CD6: variants seen among roughly 807,000 people sequenced by gnomAD.
The protein encoded by CD6 is T-cell differentiation antigen CD6.
Under a neutral mutation model 75.3 loss-of-function variants are expected in CD6, and 53 were observed. The observed-to-expected ratio is 0.70, with a 90% confidence interval of 0.56 to 0.88. The LOEUF (loss-of-function observed/expected upper bound fraction) is 0.88, where lower values mean the gene tolerates loss of function less well. Among genes scored for constraint, CD6 ranks in the 40% least tolerant of loss-of-function variants. The pLI is 0.00. For missense variants in CD6, 770 were observed against 897.1 expected, an observed-to-expected ratio of 0.86 and a Z score of 1.81; for synonymous variants, 359 against 381.5, an observed-to-expected ratio of 0.94 and a Z score of 0.69.
In CD6 at chr11:60,973,539, T is replaced by C. The variant is rs1406811276; in HGVS notation, c.49+1625T>C. ...ATCACTATTATAAGTGGAAAATCAA[T>C]ATCATTTGCCATAAGTGAAAGGTAA... is the stretch of plus-strand genomic sequence containing the variant. On this transcript the variant is annotated intron_variant, in intron 1 of 12. Coordinates refer to ENST00000313421, the MANE Select transcript of CD6 (RefSeq NM_006725.5). Among the ~76,000 whole-genome samples, 3 of 152,306 alleles carry C rather than the reference T, an allele frequency of 2.0e-5. No homozygotes were observed. The East Asian group carries it at 5.8e-4, about 29-fold the overall frequency.
At chr11:60,986,835 T>A (rs1236121554) in intron 1 of CD6, among the ~76,000 whole-genome samples, 1 of 152,092 alleles carries the variant, frequency 6.6e-6, no homozygotes, top group Non-Finnish European at 1.5e-5. Context: ...GCAACAGAAA[T>A]GTATTGTCTC....
chr11:61,008,578 G>GGCC lies in CD6; in HGVS notation c.517_519dup (p.Arg173dup). 6.2e-7 allele frequency: 1 copy of GGCC among 1,607,414 alleles called. No homozygotes were observed. The highest frequency in any genetic ancestry group is 8.5e-7 in the Non-Finnish European group (1 of 1,177,486). On this transcript the variant is annotated inframe_insertion, in exon 4 of 13. Transcript: ENST00000313421. ...GGTGGACGGTGGCGGCGCCTGCGCC[G>GGCC]GCCGCGTGGAGATGCTGGAGCATGG... is the stretch of plus-strand genomic sequence containing the variant.
chr11:61,001,879 G>T (rs1220537732), intron 1 of CD6, among the ~76,000 whole-genome samples: 1 of 152,204 alleles, frequency 6.6e-6, no homozygotes, highest in Non-Finnish European at 1.5e-5. Flanking sequence ...GTCCTTCTAA[G>T]CACGGGGCCC....
chr11:60,989,758 C>T (rs990488705), intron 1 of CD6, among the ~76,000 whole-genome samples: 9 of 152,192 alleles, frequency 5.9e-5, no homozygotes, highest in African/African-American at 2.2e-4. Flanking sequence ...CAAATCCCTG[C>T]TCTGCCTCTT....
In CD6 at chr11:61,019,372, T is replaced by A; in HGVS notation, c.*54T>A. On this transcript the variant is annotated 3_prime_UTR_variant, in exon 13 of 13. Transcript: ENST00000313421. ...GCTCTGACCCTCTGGCCTCCTGCTC[T>A]ACCTACTCCCTTTCCCCTTTCCCAC... The A allele has an allele frequency of 7.1e-7, 1 of 1,403,190 alleles. No homozygotes were observed. The highest frequency in any genetic ancestry group is 9.9e-7 in the Non-Finnish European group (1 of 1,009,944). 86.9% of individuals were successfully genotyped at this position (1,403,190 alleles called of 1,614,324 possible).
At position 60,974,812 on chromosome 11, in the gene CD6, T is replaced by C. The variant is rs146001869; in HGVS notation, c.49+2898T>C. ...GTCCCGTCTCTAATTCACCATTGAC[T>C]GTGCTTCTTTTCTTCTCAGCCATGT... On this transcript the variant is annotated intron_variant, in intron 1 of 12. Transcript: ENST00000313421. Among the ~76,000 whole-genome samples the C allele has an allele frequency of 7.9e-4, 121 of 152,336 alleles. 1 individual carries two copies. The highest frequency in any genetic ancestry group is 2.8e-3 in the African/African-American group (115 of 41,594).
At chr11:60,996,280 A>T (rs911925599) in intron 1 of CD6, among the ~76,000 whole-genome samples, 2 of 151,938 alleles carry the variant, frequency 1.3e-5, no homozygotes, top group African/African-American at 4.8e-5. Context: ...CCCTTTCCCT[A>T]TCAGAGCAGT....
rs1554993198 is a variant in CD6 at position 60,994,465 on chromosome 11, A to AAAAAAACAAAAAAC, written c.50-12103_50-12102insCAAAAAACAAAAAA. ...CTCCCCAACACCCCCGCCAAAAAAA[A>AAAAAAACAAAAAAC]AAAAAAGCTGAATTTCTTTGACCTG... On this transcript the variant is annotated intron_variant, in intron 1 of 12. Coordinates refer to ENST00000313421, the MANE Select transcript of CD6 (RefSeq NM_006725.5). Among the ~76,000 whole-genome samples, 46 of 138,394 alleles carry AAAAAAACAAAAAAC rather than the reference A, an allele frequency of 3.3e-4. 6 individuals are homozygous for AAAAAAACAAAAAAC. Among genetic ancestry groups the AAAAAAACAAAAAAC allele is most frequent in the Admixed American group, 6.1e-4 (8 of 13,022 alleles). 90.8% of individuals were successfully genotyped at this position (138,394 alleles called of 152,430 possible). A position where few individuals can be genotyped will look rare whatever the true frequency, so the allele number is the denominator to read the frequency against.
intron 1 of CD6, among the ~76,000 whole-genome samples, chr11:60,980,398 G>A (rs942628671): frequency 1.4e-4 from 21 of 152,120 alleles, no homozygotes; most frequent in African/African-American, 4.8e-4. Flanking sequence ...AGCTACTCGG[G>A]AGGCTGAGGC....
At chr11:60,976,109 T>C (rs1190383862) in intron 1 of CD6, among the ~76,000 whole-genome samples, 1 of 152,206 alleles carries the variant, frequency 6.6e-6, no homozygotes, top group Non-Finnish European at 1.5e-5. Context: ...GATTATAGTG[T>C]ACCCAGCACT....
rs534653810 is a variant in CD6 at position 61,004,041 on chromosome 11, C to T, written c.50-2533C>T. Among the ~76,000 whole-genome samples the T allele has an allele frequency of 1.9e-4, 29 of 152,336 alleles. No homozygotes were observed. The East Asian group carries it at 3.5e-3, about 18-fold the overall frequency. ...CACTGTGGGGGACACAGGGCTGACC[C>T]AGCCATGGGCCCTGCCCTCTAGGGT... On this transcript the variant is annotated intron_variant, in intron 1 of 12. Coordinates refer to ENST00000313421, the MANE Select transcript of CD6 (RefSeq NM_006725.5).
In CD6 at chr11:61,019,482, C is replaced by G. The variant is rs1460360916; in HGVS notation, c.*164C>G. ...GTTATACCTTGTACCCCTCGGTCTC[C>G]ATCCATCAAGCCAAACCTGCTGCCA... On this transcript the variant is annotated 3_prime_UTR_variant, in exon 13 of 13. Transcript: ENST00000313421. The G allele has an allele frequency of 2.0e-6, 1 of 501,062 alleles. No homozygotes were observed. The highest frequency in any genetic ancestry group is 3.2e-5 in the East Asian group (1 of 30,808). The allele number at this position is 501,062 out of a possible 1,614,324, so 31.0% of individuals were successfully genotyped here.
chr11:61,019,346 G>T lies in CD6; in HGVS notation c.*28G>T, dbSNP rs755902928. 6.3e-7 allele frequency: 1 copy of T among 1,588,484 alleles called. No homozygotes were observed. The highest frequency in any genetic ancestry group is 1.7e-4 in the Middle Eastern group (1 of 6,014). ...CGGGGCCAGCCGAGGCTCCTGGGGT[G>T]GCTCTGACCCTCTGGCCTCCTGCTC... On this transcript the variant is annotated 3_prime_UTR_variant, in exon 13 of 13. Coordinates refer to ENST00000313421, the MANE Select transcript of CD6 (RefSeq NM_006725.5).
intron 10 of CD6, 67 bp downstream of exon 10, chr11:61,017,617 A>T: frequency 1.3e-6 from 2 of 1,567,848 alleles, no homozygotes; most frequent in Non-Finnish European, 1.8e-6. Flanking sequence ...GCTCAGCTTG[A>T]GACCTTCCAG....
intron 9 of CD6, among the ~76,000 whole-genome samples, chr11:61,016,483 T>C (rs1859411517): frequency 6.6e-6 from 1 of 152,210 alleles, no homozygotes; most frequent in Admixed American, 6.5e-5. Flanking sequence ...TGGCTGTGTG[T>C]GACAGAAAGC....
In CD6 at chr11:61,017,994, C is replaced by A; in HGVS notation, c.1818C>A (p.Gly606=). ...AGCCCCCAAACTTGGAGCTGGCCGGCACCCAGCCAGCCTTTTCAGGTAAGC... is the reference window on the plus strand; with the variant it reads ...AGCCCCCAAACTTGGAGCTGGCCGGAACCCAGCCAGCCTTTTCAGGTAAGC... ...LEQPPNLELA[G]TQPAFSAGPP... is the part of the protein sequence containing the mutation. The change falls in exon 11 of 13, where the codon GGC becomes GGA. Residue 606 remains glycine (G), a synonymous_variant. Transcript: ENST00000313421. 1 of 1,611,586 alleles carries A rather than the reference C, an allele frequency of 6.2e-7. No homozygotes were observed. Among genetic ancestry groups the A allele is most frequent in the Non-Finnish European group, 8.5e-7 (1 of 1,179,756 alleles).
At chr11:61,012,593 C>T (rs1859203543) in intron 6 of CD6, among the ~76,000 whole-genome samples, 1 of 152,226 alleles carries the variant, frequency 6.6e-6, no homozygotes, top group African/African-American at 2.4e-5. Context: ...ATGATCTCAT[C>T]TCCCTCCCCG....
chr11:60,974,858 G>C (rs1360731475), intron 1 of CD6, among the ~76,000 whole-genome samples: 1 of 152,068 alleles, frequency 6.6e-6, no homozygotes, highest in Non-Finnish European at 1.5e-5. Flanking sequence ...GTGGAAGGGG[G>C]GTGCTCTGTC....
Position 61,017,867 on chromosome 11 carries a change from C to G in CD6, c.1691C>G (p.Ser564Trp). ...PQYHPRSNSE[S>W]STSSGEDYCN... is the part of the protein sequence containing the mutation. ...TATCACCCGAGGAGCAACAGTGAGT[C>G]GAGCACCTCTTCAGGGGAGGATTAC... The change falls in exon 11 of 13, where the codon TCG (serine) becomes TGG (tryptophan). Residue 564 changes from serine (S) to tryptophan (W), a missense_variant. Coordinates refer to ENST00000313421, the MANE Select transcript of CD6 (RefSeq NM_006725.5). 3.7e-6 allele frequency: 6 copies of G among 1,614,100 alleles called. No homozygotes were observed. Among genetic ancestry groups the G allele is most frequent in the Non-Finnish European group, 5.1e-6 (6 of 1,180,006 alleles).
Sources: allele counts gnomAD v4.1 joint callset (sites outside exome capture counted in the v4.1 genomes callset), GRCh38; gene constraint gnomAD v4.1.1; transcripts MANE v1.5; gene names NCBI Gene and HGNC (gene_info 2026-07-23, HGNC 2026-07-21).